CSNK2A2: variants seen among roughly 807,000 people sequenced by gnomAD.
CSNK2A2 encodes casein kinase II subunit alpha'.
Under a neutral mutation model 54.0 loss-of-function variants are expected in CSNK2A2, and 8 were observed. The ratio of observed to expected loss-of-function variants is 0.15; its 90% CI spans 0.09 to 0.27. The LOEUF is 0.27. Ranked by LOEUF, CSNK2A2 falls within the 10% of genes least tolerant of loss-of-function variation. The probability of loss-of-function intolerance (pLI) is 1.00; values close to 1 mark genes in which losing one functional copy is unlikely to be tolerated. For missense variants in CSNK2A2, 242 were observed against 439.4 expected (o/e 0.55, Z 4.02); for synonymous variants, 141 against 153.9 (o/e 0.92, Z 0.62).
At position 58,197,854 on chromosome 16, in the gene CSNK2A2, G is replaced by GAGGAGC. The variant is rs1962515003; in HGVS notation, c.-124_-119dup. The GAGGAGC allele has an allele frequency of 6.4e-6, 1 of 157,252 alleles. No individual in the cohort carries two copies. Among genetic ancestry groups the GAGGAGC allele is most frequent in the Non-Finnish European group, 1.3e-5 (1 of 78,152 alleles). The allele number at this position is 157,252 out of a possible 1,614,324, so 9.7% of individuals were successfully genotyped here. A position where few individuals can be genotyped will look rare whatever the true frequency, so the allele number is the denominator to read the frequency against. ...CCGCCGGGCGCTGGAGGAGGAGGAG[G>GAGGAGC]AGGAGCGCGGCGGCGGGCGGCCGCG... On this transcript the variant is annotated 5_prime_UTR_variant, in exon 1 of 12. Transcript: ENST00000262506. The surrounding 1 kb of genome is among the most constrained non-coding windows in gnomAD (Gnocchi z 4.0).
chr16:58,182,710 A>G lies in CSNK2A2; in HGVS notation c.369+1550T>C, dbSNP rs190949751. On this transcript the variant is annotated intron_variant, in intron 4 of 11. Transcript: ENST00000262506. ...ATTCAGATAAGGTTTCAACTTTTGC[A>G]TTAGGAAAATATTTGGTTTCATTAA... Among the ~76,000 whole-genome samples the G allele has an allele frequency of 4.8e-4, 73 of 152,288 alleles. 4 individuals are homozygous for G. In the East Asian group the frequency reaches 5.6e-3, roughly 12 times the overall value.
chr16:58,166,067 G>C (rs1961553962), intron 9 of CSNK2A2, among the ~76,000 whole-genome samples: 1 of 152,074 alleles, frequency 6.6e-6, no homozygotes, highest in African/African-American at 2.4e-5. Flanking sequence ...TCAGAAACAG[G>C]GAGGTTCCAT....
chr16:58,182,504 G>A (rs1419194829), intron 4 of CSNK2A2, among the ~76,000 whole-genome samples: 11 of 143,254 alleles, frequency 7.7e-5, no homozygotes, highest in African/African-American at 2.6e-4. Context: ...GCAGTGAGCC[G>A]AGATTGCGCT....
intron 3 of CSNK2A2, among the ~76,000 whole-genome samples, chr16:58,185,296 C>G (rs188379281): frequency 6.6e-6 from 1 of 152,206 alleles, no homozygotes; most frequent in Non-Finnish European, 1.5e-5. Flanking sequence ...ATTAAAAATT[C>G]TTCACCAGCC....
Position 58,167,740 on chromosome 16 carries a change from T to C in CSNK2A2, c.569A>G (p.Asn190Ser). Residue 190 changes from asparagine (N) to serine (S), a missense_variant, in exon 7 of 12, where the codon AAT becomes AGT. By Grantham distance (46) the Asn-to-Ser change is conservative. This residue lies in a region of CSNK2A2 where 40 missense variants were observed against 128.7 expected (regional missense o/e 0.31). Coordinates refer to ENST00000262506, the MANE Select transcript of CSNK2A2 (RefSeq NM_001896.4). ...AEFYHPAQEY[N>S]VRVASRYFKG... ...GAAGTACCTTGAGGCTACACGAACA[T>C]TGTACTCCTGAGCAGGATGATAGAA... 1 of 1,614,164 alleles carries C rather than the reference T, an allele frequency of 6.2e-7. No individual in the cohort carries two copies. Among genetic ancestry groups the C allele is most frequent in the Non-Finnish European group, 8.5e-7 (1 of 1,180,006 alleles).
intron 11 of CSNK2A2, 142 bp downstream of exon 11, chr16:58,163,912 G>T: frequency 3.2e-6 from 2 of 627,560 alleles, no homozygotes; most frequent in Non-Finnish European, 5.3e-6. Context: ...TTTCTTTCTT[G>T]CTTTTTGACA....
At chr16:58,182,518 G>A (rs1264999189) in intron 4 of CSNK2A2, among the ~76,000 whole-genome samples, 1 of 140,048 alleles carries the variant, frequency 7.1e-6, no homozygotes, top group Non-Finnish European at 1.5e-5. Context: ...TTGCGCTATT[G>A]CACTCCAGCC....
rs537665757 is a variant in CSNK2A2 at position 58,197,242 on chromosome 16, C to T, written c.104+391G>A. ...ACGTCTTTAAGAAATTTCCTCCCAC[C>T]ACCTCATCTCAGAAAACCTAAAAGG... On this transcript the variant is annotated intron_variant, in intron 1 of 11. Coordinates refer to ENST00000262506, the MANE Select transcript of CSNK2A2 (RefSeq NM_001896.4). This position sits in a 1 kb window ranked among gnomAD's most constrained non-coding sequence, Gnocchi z 4.0. 3.6e-6 allele frequency: 1 copy of T among 278,648 alleles called. No individual in the cohort carries two copies. The highest frequency in any genetic ancestry group is 2.2e-5 in the African/African-American group (1 of 46,248). 17.3% of individuals were successfully genotyped at this position (278,648 alleles called of 1,614,324 possible).
At chr16:58,165,974 G>A (rs1458150999) in intron 9 of CSNK2A2, among the ~76,000 whole-genome samples, 2 of 152,162 alleles carry the variant, frequency 1.3e-5, no homozygotes, top group Non-Finnish European at 2.9e-5. Context: ...TTTTTATGCT[G>A]TAGACTTTTA....
In CSNK2A2 at chr16:58,158,042, C is replaced by T. The variant is rs972813531; in HGVS notation, c.*329G>A. 3.3e-5 allele frequency: 5 copies of T among 152,650 alleles called. No individual in the cohort carries two copies. The highest frequency in any genetic ancestry group is 1.2e-4 in the African/African-American group (5 of 41,444). 9.5% of individuals were successfully genotyped at this position (152,650 alleles called of 1,614,324 possible). Reference sequence around the variant, plus strand: ...TAGTTAGCGTGGTTTGCTGGAAAAACAGGCGGCCACGGGACGAGTCGAGGG... The same window carrying T: ...TAGTTAGCGTGGTTTGCTGGAAAAATAGGCGGCCACGGGACGAGTCGAGGG... On this transcript the variant is annotated 3_prime_UTR_variant, in exon 12 of 12. Coordinates refer to ENST00000262506, the MANE Select transcript of CSNK2A2 (RefSeq NM_001896.4).
At chr16:58,159,108 T>C (rs966521481) in intron 11 of CSNK2A2, 1 of 152,256 alleles carries the variant, frequency 6.6e-6, no homozygotes, top group Non-Finnish European at 1.5e-5. Context: ...AAGGGCTGCA[T>C]GGTGCATGAG....
At chr16:58,168,966 G>A (rs911644180) in intron 5 of CSNK2A2, among the ~76,000 whole-genome samples, 5 of 150,876 alleles carry the variant, frequency 3.3e-5, no homozygotes, top group African/African-American at 7.3e-5. Context: ...TTGCTCTGTC[G>A]CCCAGGCTGG....
At chr16:58,159,000 GGAC>G (rs1961238347) in intron 11 of CSNK2A2, 1 of 152,160 alleles carries the variant, frequency 6.6e-6, no homozygotes, top group Admixed American at 6.5e-5. Flanking sequence ...TACTGAGGAA[GGAC>G]TATGCACCTG....
At chr16:58,160,443 A>C (rs920939927) in intron 11 of CSNK2A2, 5 of 152,232 alleles carry the variant, frequency 3.3e-5, no homozygotes, top group African/African-American at 9.6e-5. Context: ...GATCTATTTC[A>C]GTTCATATAA....
intron 2 of CSNK2A2, among the ~76,000 whole-genome samples, chr16:58,193,041 T>C (rs976797353): frequency 1.3e-5 from 2 of 152,258 alleles, no homozygotes; most frequent in African/African-American, 4.8e-5. Flanking sequence ...TTATTTTTAA[T>C]GTTAGCAATA....
At chr16:58,193,990 C>A (rs1470971626) in intron 2 of CSNK2A2, among the ~76,000 whole-genome samples, 1 of 152,150 alleles carries the variant, frequency 6.6e-6, no homozygotes, top group Non-Finnish European at 1.5e-5. Context: ...CCTGGAAATC[C>A]ACTAATGCAA....
chr16:58,159,715 A>G (rs565407750), intron 11 of CSNK2A2: 2 of 152,308 alleles, frequency 1.3e-5, no homozygotes, highest in Admixed American at 6.5e-5. Flanking sequence ...TGAAGTAGTC[A>G]CTTGTAAAGG....
At position 58,167,222 on chromosome 16, in the gene CSNK2A2, C is replaced by T; in HGVS notation, c.711G>A (p.Gln237=). ...IFRREPFFHG[Q]DNYDQLVRIA... ...ATTTGCTCACCTGGTCATAGTTGTC[C>T]TGTCCATGGAAGAATGGTTCCCTTC... is the stretch of plus-strand genomic sequence containing the variant. Residue 237 remains glutamine, a synonymous_variant, in exon 8 of 12, where the codon CAG becomes CAA. Coordinates refer to ENST00000262506, the MANE Select transcript of CSNK2A2 (RefSeq NM_001896.4). 1 of 1,612,198 alleles carries T rather than the reference C, an allele frequency of 6.2e-7. No individual in the cohort carries two copies. Among genetic ancestry groups the T allele is most frequent in the Non-Finnish European group, 8.5e-7 (1 of 1,179,276 alleles).
rs546235675 is a variant in CSNK2A2 at position 58,191,768 on chromosome 16, G to A, written c.217-4912C>T. ...TACAACCCTTTCTACTATTGGTTCT[G>A]CCTCTAACATCACTCGCATGACCCA... On this transcript the variant is annotated intron_variant, in intron 2 of 11. Transcript: ENST00000262506. Among the ~76,000 whole-genome samples, 5 of 152,208 alleles carry A rather than the reference G, an allele frequency of 3.3e-5. No individual in the cohort carries two copies. The East Asian group carries it at 9.6e-4, about 29-fold the overall frequency.
Sources: gnomAD v4.1 joint callset for allele counts (sites outside exome capture counted in the v4.1 genomes callset) on GRCh38, gnomAD v4.1.1 for gene constraint, gnomAD v4.1.1 regional missense constraint, Gnocchi (gnomAD v3.1) non-coding constraint, MANE v1.5 for transcripts, NCBI Gene and HGNC (gene_info 2026-07-23, HGNC 2026-07-21) for gene names.